ZNF544: variants seen among roughly 807,000 people sequenced by gnomAD.
The protein encoded by ZNF544 is zinc finger protein 544, also known as zinc finger protein AF020591.
ZNF544 carries 10 observed loss-of-function variants against 13.5 expected under a neutral mutation model. That is an observed-to-expected ratio of 0.74 (90% CI 0.46 to 1.25). The LOEUF is 1.25. Ranked by LOEUF, ZNF544 falls within the 50% of genes most tolerant of loss-of-function variation. ZNF544 has a pLI of 0.00. For synonymous variants in ZNF544, 323 were observed against 300.5 expected, an observed-to-expected ratio of 1.07 and a Z score of -0.77; for missense variants, 896 against 845.6, an observed-to-expected ratio of 1.06 and a Z score of -0.74.
intron 3 of ZNF544, among the ~76,000 whole-genome samples, chr19:58,236,248 C>G (rs1837886054): frequency 6.6e-6 from 1 of 151,150 alleles, no homozygotes; most frequent in African/African-American, 2.4e-5. Context: ...TCACGCAATG[C>G]TAGCACTTTG....
At chr19:58,245,170 C>G (rs2044829158) in intron 4 of ZNF544, among the ~76,000 whole-genome samples, 1 of 151,632 alleles carries the variant, frequency 6.6e-6, no homozygotes, top group African/African-American at 2.4e-5. Flanking sequence ...GAACTCCTGA[C>G]CTCAAGTAAT....
rs1009440810 is a variant in ZNF544 at position 58,243,568 on chromosome 19, C to T, written c.-59-397C>T. On this transcript the variant is annotated intron_variant, in intron 3 of 6. Transcript: ENST00000687789. ...CAGAGCCGAGGGAAGTTCCCTGCGCCGCCCTGCTGGGGAGTGTCACATCCT... is the reference window on the plus strand; with the variant it reads ...CAGAGCCGAGGGAAGTTCCCTGCGCTGCCCTGCTGGGGAGTGTCACATCCT... Among the ~76,000 whole-genome samples the T allele has an allele frequency of 7.2e-5, 11 of 151,846 alleles. No individual in the cohort carries two copies. In the East Asian group the frequency reaches 1.4e-3, roughly 19 times the overall value.
At chr19:58,260,817 C>T (rs1266328290) in intron 6 of ZNF544, 34 bp from the exon 7 acceptor site, 4 of 1,515,596 alleles carry the variant, frequency 2.6e-6, no homozygotes, top group South Asian at 1.3e-5. Flanking sequence ...TCTGATGCTT[C>T]TCCAGTAACT....
intron 6 of ZNF544, among the ~76,000 whole-genome samples, chr19:58,256,035 C>G (rs575496288): frequency 6.6e-6 from 1 of 152,318 alleles, no homozygotes; most frequent in Non-Finnish European, 1.5e-5. Context: ...AGAAATCTTT[C>G]CGTTTCACCA....
At chr19:58,253,397 A>C (rs1410078727) in intron 6 of ZNF544, among the ~76,000 whole-genome samples, 2 of 152,188 alleles carry the variant, frequency 1.3e-5, no homozygotes, top group Non-Finnish European at 2.9e-5. Flanking sequence ...TATTTTTGCC[A>C]ATAACTCAGA....
At chr19:58,276,345 C>T in exon 6 of ZNF544, 2 of 1,231,634 alleles carry the variant, frequency 1.6e-6, no homozygotes, top group Non-Finnish European at 2.0e-6. Flanking sequence ...TGCCTGGGAG[C>T]TTTTTGGGAC....
chr19:58,265,663 A>G (rs975088134), downstream of ZNF544, among the ~76,000 whole-genome samples: 1 of 151,940 alleles, frequency 6.6e-6, no homozygotes, highest in Non-Finnish European at 1.5e-5. Flanking sequence ...TGGCGCAGTC[A>G]TGGCTCACTG....
chr19:58,244,154 C>A, intron 4 of ZNF544, 98 bp downstream of exon 4: 1 of 1,030,198 alleles, frequency 9.7e-7, no homozygotes, highest in Non-Finnish European at 1.4e-6. Flanking sequence ...CACAGGAGCG[C>A]TCCGCAGTGC....
At chr19:58,244,679 G>A (rs191388767) in intron 4 of ZNF544, among the ~76,000 whole-genome samples, 24 of 149,714 alleles carry the variant, frequency 1.6e-4, no homozygotes, top group Admixed American at 1.1e-3. Context: ...GGGCTCAAGC[G>A]ATCCTCCCAC....
At chr19:58,271,149 T>C (rs1206824178) in intron 5 of ZNF544, among the ~76,000 whole-genome samples, 2 of 148,516 alleles carry the variant, frequency 1.3e-5, no homozygotes, top group Non-Finnish European at 1.5e-5. Context: ...GAAGTGGAGG[T>C]TGCAGTGAGC....
chr19:58,249,457 G>A (rs974764986), intron 6 of ZNF544, among the ~76,000 whole-genome samples: 6 of 152,126 alleles, frequency 3.9e-5, no homozygotes, highest in Non-Finnish European at 8.8e-5. Flanking sequence ...ATGGTCTCTA[G>A]GTGACAGGAA....
chr19:58,277,374 C>A, exon 7 of ZNF544: 1 of 681,132 alleles, frequency 1.5e-6, no homozygotes, highest in South Asian at 7.5e-5. Context: ...AGGGCCATGT[C>A]ATGGTTGATC....
In ZNF544 at chr19:58,277,205, G is replaced by GA. The variant is rs2051285233; in HGVS notation, c.375dup (p.Asp126ArgfsTer9). 3.3e-6 allele frequency: 4 copies of GA among 1,230,530 alleles called. No individual in the cohort carries two copies. In the Admixed American group the frequency reaches 1.3e-4, roughly 39 times the overall value. The allele number at this position is 1,230,530 out of a possible 1,614,324, so 76.2% of individuals were successfully genotyped here. A position where few individuals can be genotyped will look rare whatever the true frequency, so the allele number is the denominator to read the frequency against. On this transcript the variant is annotated frameshift_variant, in exon 7 of 7. Transcript: ENST00000595981. LOFTEE classifies it high-confidence loss of function. The stretch of plus-strand genomic sequence containing the variant: ...CAGGAACGAGGCCCAGCAAAAAGCA[G>GA]AGACGGTACAGGGCCAGAAGGATCT...
intron 3 of ZNF544, among the ~76,000 whole-genome samples, chr19:58,237,567 G>A (rs1049726660): frequency 3.3e-5 from 5 of 152,198 alleles, no homozygotes; most frequent in Non-Finnish European, 7.3e-5. Context: ...CCCTTGCCCC[G>A]CCAGCGGTCC....
intron 5 of ZNF544, 93 bp downstream of exon 5, chr19:58,246,520 C>A (rs1268768954): frequency 1.9e-6 from 3 of 1,559,432 alleles, no homozygotes; most frequent in Non-Finnish European, 2.6e-6. Context: ...CTGGAAGATA[C>A]TGGAAGCAGG....
In ZNF544 at chr19:58,262,556, T is replaced by G; in HGVS notation, c.1950T>G (p.His650Gln). ...AFARSSYLVM[H>Q]QRTHTGEKPF... The stretch of plus-strand genomic sequence containing the variant: ...CAAGGAGCTCCTACCTTGTGATGCA[T>G]CAGAGAACTCACACTGGTGAGAAAC... Residue 650 changes from histidine to glutamine, a missense_variant, in exon 7 of 7, where the codon CAT (histidine) becomes CAG (glutamine). By Grantham distance (24) the His-to-Gln change is conservative. Transcript: ENST00000687789. The G allele has an allele frequency of 6.2e-7, 1 of 1,614,188 alleles. No homozygotes were observed. The highest frequency in any genetic ancestry group is 8.5e-7 in the Non-Finnish European group (1 of 1,180,018).
At chr19:58,229,662 G>T (rs555051735) in intron 2 of ZNF544, 92 bp downstream of exon 2, 1 of 152,486 alleles carries the variant, frequency 6.6e-6, no homozygotes, top group Non-Finnish European at 1.5e-5. Context: ...GGTAACTGGG[G>T]TGTTGGGGGC....
rs2049441121 is a variant in ZNF544, at chr19:58,263,624, TAAA to T, written c.*873_*875del. On this transcript the variant is annotated 3_prime_UTR_variant, in exon 7 of 7. Transcript: ENST00000687789. Reference sequence around the variant, plus strand: ...ACCAAGCTCACTCTAGCCAACTAAATAAAAATCTCTGGCAGTAAAATCCAGGAG... The same window carrying T: ...ACCAAGCTCACTCTAGCCAACTAAATAATCTCTGGCAGTAAAATCCAGGAG... 1.0e-6 allele frequency: 1 copy of T among 972,478 alleles called. No homozygotes were observed. Among genetic ancestry groups the T allele is most frequent in the Non-Finnish European group, 1.2e-6 (1 of 818,498 alleles). The allele number at this position is 972,478 out of a possible 1,614,324, so 60.2% of individuals were successfully genotyped here.
At chr19:58,250,466 G>A (rs1179189355) in intron 6 of ZNF544, among the ~76,000 whole-genome samples, 5 of 152,174 alleles carry the variant, frequency 3.3e-5, no homozygotes, top group East Asian at 1.9e-4. Flanking sequence ...CCTTTGAAGT[G>A]TCCTTATCTA....
Sources: gnomAD v4.1 joint callset for allele counts (sites outside exome capture counted in the v4.1 genomes callset) on GRCh38, gnomAD v4.1.1 for gene constraint, MANE v1.5 for transcripts, NCBI Gene and HGNC (gene_info 2026-07-23, HGNC 2026-07-21) for gene names.